Variants in ELL2 observed in about 807,000 individuals in gnomAD.
ELL2 encodes elongation factor for RNA polymerase II 2.
ELL2 carries 21 observed loss-of-function variants against 72.8 expected under a neutral mutation model. That is an observed-to-expected ratio of 0.29 (90% CI 0.20 to 0.42). The LOEUF (loss-of-function observed/expected upper bound fraction) is 0.42. Ranked by LOEUF, ELL2 falls within the 10% of genes least tolerant of loss-of-function variation. ELL2 has a pLI of 1.00. For missense variants in ELL2, 568 were observed against 772.8 expected, an observed-to-expected ratio of 0.73 and a Z score of 3.14; for synonymous variants, 266 against 283.2, an observed-to-expected ratio of 0.94 and a Z score of 0.61.
At chr5:95,899,464 T>TTA (rs1749043647) in intron 7 of ELL2, among the ~76,000 whole-genome samples, 1 of 152,066 alleles carries the variant, frequency 6.6e-6, no homozygotes, top group African/African-American at 2.4e-5. Flanking sequence ...TTTTTTTTTT[T>TTA]ACCGTTACAT....
intron 4 of ELL2, among the ~76,000 whole-genome samples, chr5:95,908,332 G>C (rs756417653): frequency 2.0e-5 from 3 of 152,150 alleles, no homozygotes; most frequent in Non-Finnish European, 2.9e-5. Flanking sequence ...CTTTTAATGG[G>C]ATATGCTCAA....
chr5:95,889,247 T>C (rs1273817638), intron 10 of ELL2, 117 bp from the exon 11 acceptor site: 1 of 837,470 alleles, frequency 1.2e-6, no homozygotes, highest in African/African-American at 1.7e-5. Context: ...GAATGTAACT[T>C]GAAACAATCT....
chr5:95,909,540 GA>G (rs1749501153), intron 4 of ELL2, among the ~76,000 whole-genome samples: 1 of 151,032 alleles, frequency 6.6e-6, no homozygotes, highest in Non-Finnish European at 1.5e-5. Flanking sequence ...AAGAAAAAAT[GA>G]AAAAGTAAAG....
rs1561490922 is a variant in ELL2, at chr5:95,898,725, G to A, written c.1040C>T (p.Thr347Ile). The A allele has an allele frequency of 6.2e-7, 1 of 1,610,334 alleles. No individual in the cohort carries two copies. Among genetic ancestry groups the A allele is most frequent in the East Asian group, 2.2e-5 (1 of 44,800 alleles). Reference sequence around the variant, plus strand: ...GGTGGGATTCAAATGACCATTTAGTGTTGGTGGTACTCTGTTCGTCAGGTG... The same window carrying A: ...GGTGGGATTCAAATGACCATTTAGTATTGGTGGTACTCTGTTCGTCAGGTG... ...ISHLTNRVPPTLNGHLNPTSE... is the reference protein window; with the variant it reads ...ISHLTNRVPPILNGHLNPTSE... The change falls in exon 8 of 12, where the codon ACA becomes ATA. Residue 347 changes from threonine to isoleucine, a missense_variant. Physicochemically the swap from Thr to Ile is moderately conservative, Grantham distance 89. Around this residue, in one of 2 missense-constraint regions of ELL2, gnomAD observed 511 missense variants for 728.4 expected, o/e 0.70. Transcript: ENST00000237853.
intron 3 of ELL2, 141 bp downstream of exon 3, chr5:95,919,283 T>C (rs1297692529): frequency 1.9e-6 from 2 of 1,061,360 alleles, no homozygotes; most frequent in Admixed American, 7.3e-5. Context: ...GTGCTTAATA[T>C]TTTTCAGATA....
At chr5:95,954,583 CTTTTTTTTTTTTCTTTTTTT>C (rs1188394254) in intron 1 of ELL2, among the ~76,000 whole-genome samples, 1,049 of 98,658 alleles carry the variant, frequency 0.011, 25 homozygotes, top group African/African-American at 0.039. Context: ...ATTTTCTTTT[CTTTTTTTTTTTTCTTTTTTT>C]TTTTTTTTTT....
At chr5:95,930,313 T>C (rs1750550663) in intron 2 of ELL2, among the ~76,000 whole-genome samples, 1 of 152,178 alleles carries the variant, frequency 6.6e-6, no homozygotes, top group Non-Finnish European at 1.5e-5. Context: ...CAAATGTAAG[T>C]GGGCTTAGAA....
At chr5:95,908,115 C>T (rs1190341117) in intron 4 of ELL2, among the ~76,000 whole-genome samples, 1 of 152,188 alleles carries the variant, frequency 6.6e-6, no homozygotes, top group Non-Finnish European at 1.5e-5. Flanking sequence ...TAAGGGGACA[C>T]TGCCTAATGA....
intron 1 of ELL2, among the ~76,000 whole-genome samples, chr5:95,950,796 C>A (rs763621127): frequency 8.7e-5 from 13 of 150,130 alleles, no homozygotes; most frequent in Non-Finnish European, 1.9e-4. Flanking sequence ...TTATCAAAAC[C>A]AACATCTATT....
At chr5:95,891,016 C>A in intron 10 of ELL2, 87 bp downstream of exon 10, 1 of 1,525,630 alleles carries the variant, frequency 6.6e-7, no homozygotes, top group Non-Finnish European at 9.1e-7. Context: ...ACTCTAAAGG[C>A]CACTGTGATG....
chr5:95,935,646 T>C (rs1323628933), intron 2 of ELL2, among the ~76,000 whole-genome samples: 1 of 152,210 alleles, frequency 6.6e-6, no homozygotes, highest in Non-Finnish European at 1.5e-5. Context: ...GCAGCTCCAT[T>C]CTGATAGAAT....
Position 95,961,643 on chromosome 5 carries a change from T to A in ELL2, c.79A>T (p.Ile27Phe), listed in dbSNP as rs754440751. 6.2e-7 allele frequency: 1 copy of A among 1,610,356 alleles called. No individual in the cohort carries two copies. The change falls in exon 1 of 12, where the codon ATC becomes TTC. Residue 27 changes from isoleucine (I) to phenylalanine (F), a missense_variant. Ile to Phe is a conservative substitution (Grantham distance 21). Transcript: ENST00000237853. The stretch of plus-strand genomic sequence containing the variant: ...GTGAGCTTCACATGCAGTACGGTGA[T>A]GTTGTCCTGCCCCAGCCGTCCGCAC... ...LSCGRLGQDN[I>F]TVLHVKLTET...
intron 1 of ELL2, among the ~76,000 whole-genome samples, chr5:95,956,264 G>A (rs751700652): frequency 2.9e-4 from 44 of 152,130 alleles, no homozygotes; most frequent in Non-Finnish European, 5.0e-4. Flanking sequence ...AACACCCTCC[G>A]TTGCATTGAG....
intron 9 of ELL2, among the ~76,000 whole-genome samples, chr5:95,892,625 C>G (rs1748708812): frequency 6.6e-6 from 1 of 152,092 alleles, no homozygotes; most frequent in African/African-American, 2.4e-5. Context: ...CAGGATGCCC[C>G]TTGGGGGTAC....
chr5:95,961,774 T>C lies in ELL2; in HGVS notation c.-53A>G. 1 of 1,517,818 alleles carries C rather than the reference T, an allele frequency of 6.6e-7. No individual in the cohort carries two copies. Among genetic ancestry groups the C allele is most frequent in the African/African-American group, 1.4e-5 (1 of 69,872 alleles). 94.0% of individuals were successfully genotyped at this position (1,517,818 alleles called of 1,614,324 possible). A position where few individuals can be genotyped will look rare whatever the true frequency, so the allele number is the denominator to read the frequency against. ...CCGCCGCTCCGGCTCTAGCCTCCACTGCGGCCGCGGCTGCTTGGGCTTCTG... is the reference window on the plus strand; with the variant it reads ...CCGCCGCTCCGGCTCTAGCCTCCACCGCGGCCGCGGCTGCTTGGGCTTCTG... On this transcript the variant is annotated 5_prime_UTR_variant, in exon 1 of 12. Transcript: ENST00000237853.
chr5:95,911,343 CT>C (rs141460387), intron 4 of ELL2, among the ~76,000 whole-genome samples: 101 of 146,304 alleles, frequency 6.9e-4, no homozygotes, highest in Middle Eastern at 3.6e-3. Flanking sequence ...AATGATCACA[CT>C]TTTTTTTTTT....
chr5:95,952,124 C>T (rs912058680), intron 1 of ELL2, among the ~76,000 whole-genome samples: 16 of 151,976 alleles, frequency 1.1e-4, no homozygotes, highest in African/African-American at 2.4e-4. Context: ...AACACAGCAA[C>T]GAAAAAGAAT....
At position 95,895,674 on chromosome 5, in the gene ELL2, T is replaced by C. The variant is rs954263579; in HGVS notation, c.1543A>G (p.Thr515Ala). Reference protein sequence around the residue: ...NSSGGVKEDCTASMEPSAIEL... With the variant: ...NSSGGVKEDCAASMEPSAIEL... ...ATTGCTGAAGGTTCCATGGAGGCAG[T>C]GCAATCCTCTTTAACTCCTATGAAG... The change falls in exon 9 of 12, where the codon ACT (threonine) becomes GCT (alanine). Residue 515 changes from threonine (T) to alanine (A), a missense_variant. This residue lies in a region of ELL2 where 511 missense variants were observed against 728.4 expected (regional missense o/e 0.70). Coordinates refer to ENST00000237853, the MANE Select transcript of ELL2 (RefSeq NM_012081.6). 1 of 1,614,086 alleles carries C rather than the reference T, an allele frequency of 6.2e-7. No individual in the cohort carries two copies. The highest frequency in any genetic ancestry group is 8.5e-7 in the Non-Finnish European group (1 of 1,179,972).
Position 95,891,132 on chromosome 5 carries a change from G to A in ELL2, c.1732C>T (p.Arg578Cys), listed in dbSNP as rs199753908. ...TACTCTTTTGAGCCTGGAGAAAGGC[G>A]CTTTCTTTGTGCATCTAGTTTGATA... The part of the protein sequence containing the change: ...RFIKLDAQRK[R>C]LSPGSKEYQN... Residue 578 changes from arginine to cysteine, a missense_variant, in exon 10 of 12, where the codon CGC becomes TGC. Coordinates refer to ENST00000237853, the MANE Select transcript of ELL2 (RefSeq NM_012081.6). 19 of 1,614,066 alleles carry A rather than the reference G, an allele frequency of 1.2e-5. No homozygotes were observed. Among genetic ancestry groups the A allele is most frequent in the South Asian group, 3.3e-5 (3 of 91,078 alleles).
Sources: allele counts gnomAD v4.1 joint callset (sites outside exome capture counted in the v4.1 genomes callset), GRCh38; gene constraint gnomAD v4.1.1; regional missense constraint gnomAD v4.1.1; transcripts MANE v1.5; gene names NCBI Gene and HGNC (gene_info 2026-07-23, HGNC 2026-07-21).